CADM3: variants seen among roughly 807,000 people sequenced by gnomAD.
CADM3 encodes the protein TSLC1-like 1.
A neutral mutation model predicts 44.9 loss-of-function variants in CADM3; 11 were observed. The observed-to-expected ratio is 0.25, with a 90% confidence interval of 0.15 to 0.41. CADM3 has a LOEUF of 0.41. Among genes scored for constraint, CADM3 ranks in the 10% least tolerant of loss-of-function variants. The pLI, the probability that CADM3 is intolerant of heterozygous loss-of-function variation, is 1.00. For synonymous variants in CADM3, 207 were observed against 205.2 expected (o/e 1.01, Z -0.08); for missense variants, 426 against 512.0 (o/e 0.83, Z 1.62).
rs1650223362 is a variant in CADM3 at position 159,201,779 on chromosome 1, C to G, written c.*857C>G. 1 of 152,670 alleles carries G rather than the reference C, an allele frequency of 6.6e-6. No homozygotes were observed. The highest frequency in any genetic ancestry group is 2.4e-5 in the African/African-American group (1 of 41,442). The allele number at this position is 152,670 out of a possible 1,614,324, so 9.5% of individuals were successfully genotyped here. A position where few individuals can be genotyped will look rare whatever the true frequency, so the allele number is the denominator to read the frequency against. ...TGCTCCAGCAGCAGTGGGAGAGGCA[C>G]TGCTCTGGGGCCTGAACTGCCTCTG... On this transcript the variant is annotated 3_prime_UTR_variant, in exon 9 of 9. Transcript: ENST00000368125.
chr1:159,193,636 C>T (rs775910558), intron 4 of CADM3, 76 bp downstream of exon 4: 2 of 1,580,892 alleles, frequency 1.3e-6, no homozygotes, highest in East Asian at 2.2e-5. Flanking sequence ...TGTGAACGTA[C>T]ACAGGAGGCA....
intron 1 of CADM3, among the ~76,000 whole-genome samples, chr1:159,184,508 G>A (rs537647431): frequency 1.6e-4 from 24 of 152,102 alleles, no homozygotes; most frequent in Non-Finnish European, 3.1e-4. Context: ...AGGGAAGTGG[G>A]ACTCTGGACT....
At position 159,193,560 on chromosome 1, in the gene CADM3, G is replaced by A. The variant is rs1459225793; in HGVS notation, c.520G>A (p.Gly174Arg). The A allele has an allele frequency of 2.5e-6, 4 of 1,614,154 alleles. No individual in the cohort carries two copies. Among genetic ancestry groups the A allele is most frequent in the Non-Finnish European group, 2.5e-6 (3 of 1,180,034 alleles). ...TWRKGDQELH[G>R]EPTRIQEDPN... is the part of the protein sequence containing the mutation. The stretch of plus-strand genomic sequence containing the variant: ...GAGAAAGGGTGACCAAGAACTCCAC[G>A]GTGAGTACCTCCTGCCTTGGGGTTA... The change falls in exon 4 of 9, where the codon GGA becomes AGA. Residue 174 changes from glycine (G) to arginine (R), a missense_variant and splice_region_variant. Gly to Arg is a moderately radical substitution (Grantham distance 125). Transcript: ENST00000368125.
At position 159,171,744 on chromosome 1, in the gene CADM3, A is replaced by G. The variant is rs769672980; in HGVS notation, c.-22A>G. 8.1e-7 allele frequency: 1 copy of G among 1,229,072 alleles called. No individual in the cohort carries two copies. 76.1% of individuals were successfully genotyped at this position (1,229,072 alleles called of 1,614,324 possible). A position where few individuals can be genotyped will look rare whatever the true frequency, so the allele number is the denominator to read the frequency against. ...GATTCAGGCTCGCCAGCGCCCAGCC[A>G]GGGAGCCGGCCGGGAAGCGCGATGG... On this transcript the variant is annotated 5_prime_UTR_variant, in exon 1 of 9. Transcript: ENST00000368125.
At chr1:159,192,106 G>C (rs1406006935) in intron 2 of CADM3, 30 bp downstream of exon 2, 1 of 1,610,894 alleles carries the variant, frequency 6.2e-7, no homozygotes, top group African/African-American at 1.3e-5. Context: ...CTTTCTCCGT[G>C]AAAACCATGG....
rs761876244 is a variant in CADM3, at chr1:159,192,634, A to G, written c.286A>G (p.Ser96Gly). 2 of 1,614,086 alleles carry G rather than the reference A, an allele frequency of 1.2e-6. No homozygotes were observed. Among genetic ancestry groups the G allele is most frequent in the Admixed American group, 1.7e-5 (1 of 60,008 alleles). ...VTSTPHELSI[S>G]ISNVALADEG... ...CTCTACGCCCCACGAGCTCAGCATC[A>G]GCATCAGCAATGTGGCCCTGGCAGA... Residue 96 changes from serine (S) to glycine (G), a missense_variant, in exon 3 of 9, where the codon AGC becomes GGC. By Grantham distance (56) the Ser-to-Gly change is moderately conservative. Coordinates refer to ENST00000368125, the MANE Select transcript of CADM3 (RefSeq NM_001127173.3).
At chr1:159,187,614 T>C (rs1033309502) in intron 1 of CADM3, among the ~76,000 whole-genome samples, 3 of 152,178 alleles carry the variant, frequency 2.0e-5, no homozygotes, top group Admixed American at 2.0e-4. Context: ...CCTCCACTCA[T>C]TTGAGCAAAG....
intron 1 of CADM3, among the ~76,000 whole-genome samples, chr1:159,177,330 T>G (rs1649061184): frequency 6.6e-6 from 1 of 152,088 alleles, no homozygotes; most frequent in Non-Finnish European, 1.5e-5. Context: ...GAGCGTAGAG[T>G]GATCCTAATA....
chr1:159,197,022 T>C lies in CADM3; in HGVS notation c.914T>C (p.Met305Thr). ...TACGGCTGCACAGCCACCAGCAACA[T>C]GGGCAGCTACAAGGCCTACTACACC... is the stretch of plus-strand genomic sequence containing the variant. The part of the protein sequence containing the change: ...GTYGCTATSN[M>T]GSYKAYYTLN... The change falls in exon 7 of 9, where the codon ATG (methionine) becomes ACG (threonine). Residue 305 changes from methionine to threonine, a missense_variant. This residue lies in a region of CADM3 where 362 missense variants were observed against 474.6 expected (regional missense o/e 0.76). Coordinates refer to ENST00000368125, the MANE Select transcript of CADM3 (RefSeq NM_001127173.3). 6.2e-7 allele frequency: 1 copy of C among 1,614,106 alleles called. No individual in the cohort carries two copies. The highest frequency in any genetic ancestry group is 8.5e-7 in the Non-Finnish European group (1 of 1,180,010).
intron 7 of CADM3, 139 bp from the exon 8 acceptor site, chr1:159,199,612 G>T: frequency 2.0e-6 from 2 of 1,022,898 alleles, no homozygotes; most frequent in South Asian, 1.4e-5. Flanking sequence ...ACAAGATAAG[G>T]CATGATGAAT....
At chr1:159,195,346 C>T (rs1417495554) in intron 5 of CADM3, 5 of 152,176 alleles carry the variant, frequency 3.3e-5, no homozygotes, top group Non-Finnish European at 5.9e-5. Flanking sequence ...CTATAAGGTG[C>T]TTCTCTGATT....
intron 7 of CADM3, among the ~76,000 whole-genome samples, chr1:159,199,170 C>T (rs879290792): frequency 6.6e-6 from 1 of 151,950 alleles, no homozygotes; most frequent in Non-Finnish European, 1.5e-5. Flanking sequence ...CCTATCTGAT[C>T]TTAGGGCAGT....
chr1:159,182,303 TCTTAAGG>T (rs1167979399), intron 1 of CADM3, among the ~76,000 whole-genome samples: 1 of 152,218 alleles, frequency 6.6e-6, no homozygotes, highest in African/African-American at 2.4e-5. Context: ...GACTTACTTC[TCTTAAGG>T]TCCACGGTCC....
Position 159,197,114 on chromosome 1 carries a change from T to C in CADM3, c.952+54T>C. ...GAATCTCCTTTCTCTGTCCATCTTATTCCCTTTTTTAAAATGCTTCCTGAT... is the reference window on the plus strand; with the variant it reads ...GAATCTCCTTTCTCTGTCCATCTTACTCCCTTTTTTAAAATGCTTCCTGAT... On this transcript the variant is annotated intron_variant, in intron 7 of 8. Transcript: ENST00000368125. 2.6e-6 allele frequency: 4 copies of C among 1,562,874 alleles called. No individual in the cohort carries two copies. The South Asian group carries it at 3.4e-5, about 13-fold the overall frequency.
chr1:159,180,909 T>C (rs1011302814), intron 1 of CADM3, among the ~76,000 whole-genome samples: 4 of 152,088 alleles, frequency 2.6e-5, no homozygotes, highest in Admixed American at 6.5e-5. Context: ...ATAAGGAGCA[T>C]AGGAGAATAA....
At chr1:159,190,809 G>A (rs1030791083) in intron 1 of CADM3, among the ~76,000 whole-genome samples, 6 of 152,242 alleles carry the variant, frequency 3.9e-5, no homozygotes, top group Non-Finnish European at 7.3e-5. Context: ...CTCTACAGGG[G>A]AATGTAGGAA....
At chr1:159,172,438 C>T (rs1033230812) in intron 1 of CADM3, among the ~76,000 whole-genome samples, 1 of 151,872 alleles carries the variant, frequency 6.6e-6, no homozygotes, top group Non-Finnish European at 1.5e-5. Context: ...CTGAAGGGGG[C>T]GTGGGCAAAG....
rs1236127189 is a variant in CADM3 at position 159,202,071 on chromosome 1, GTGTATGCA to G, written c.*1153_*1160del. 6.6e-6 allele frequency: 1 copy of G among 150,642 alleles called. No individual in the cohort carries two copies. The highest frequency in any genetic ancestry group is 1.5e-5 in the Non-Finnish European group (1 of 68,308). 9.3% of individuals were successfully genotyped at this position (150,642 alleles called of 1,614,324 possible). A position where few individuals can be genotyped will look rare whatever the true frequency, so the allele number is the denominator to read the frequency against. On this transcript the variant is annotated 3_prime_UTR_variant, in exon 9 of 9. Transcript: ENST00000368125. ...TGTGAACTGTGTGCATGTGTGTGGT[GTGTATGCA>G]TGTGTGCATGTGTGTGTGTGTGTGT... is the stretch of plus-strand genomic sequence containing the variant.
intron 1 of CADM3, among the ~76,000 whole-genome samples, chr1:159,185,525 A>C (rs1040855637): frequency 6.6e-6 from 1 of 152,246 alleles, no homozygotes; most frequent in Non-Finnish European, 1.5e-5. Context: ...TATTAGATAC[A>C]TCATAAGGAC....
Sources: allele counts gnomAD v4.1 joint callset (sites outside exome capture counted in the v4.1 genomes callset), GRCh38; gene constraint gnomAD v4.1.1; regional missense constraint gnomAD v4.1.1; transcripts MANE v1.5; gene names NCBI Gene and HGNC (gene_info 2026-07-23, HGNC 2026-07-21).